SAMD5: variants seen among roughly 807,000 people sequenced by gnomAD.
The protein encoded by SAMD5 is sterile alpha motif domain containing 5.
In SAMD5, 13 loss-of-function variants were observed where a neutral mutation model predicts 11.3. The observed-to-expected ratio is 1.15, with a 90% CI of 0.75 to 1.83. The LOEUF (loss-of-function observed/expected upper bound fraction) is 1.83. Among genes scored for constraint, SAMD5 ranks in the 40% most tolerant of loss-of-function variants. The pLI, the probability that SAMD5 is intolerant of heterozygous loss-of-function variation, is 0.00. For missense variants in SAMD5, 255 were observed against 239.1 expected, an observed-to-expected ratio of 1.07 and a Z score of -0.44; for synonymous variants, 129 against 111.3, an observed-to-expected ratio of 1.16 and a Z score of -1.00.
chr6:147,636,915 A>G (rs1409246612), intron 1 of SAMD5, among the ~76,000 whole-genome samples: 2 of 150,328 alleles, frequency 1.3e-5, no homozygotes, highest in African/African-American at 2.4e-5. Flanking sequence ...GACTTAAGGA[A>G]TTTTTTTTTT....
At position 147,566,332 on chromosome 6, in the gene SAMD5, T is replaced by C. The variant is rs1292784233; in HGVS notation, c.*1876T>C. On this transcript the variant is annotated 3_prime_UTR_variant, in exon 2 of 2. Transcript: ENST00000367474. ...AACTAGGGTCTTTAAAATTCCTAAG[T>C]AGATTCTTTTGAGTGGTAGGGGAGT... is the stretch of plus-strand genomic sequence containing the variant. The C allele has an allele frequency of 1.0e-5, 10 of 979,570 alleles. No individual in the cohort carries two copies. Among genetic ancestry groups the C allele is most frequent in the South Asian group, 4.7e-5 (1 of 21,166 alleles). 60.7% of individuals were successfully genotyped at this position (979,570 alleles called of 1,614,324 possible).
intron 1 of SAMD5, among the ~76,000 whole-genome samples, chr6:147,708,892 G>A (rs2128458358): frequency 6.6e-6 from 1 of 152,330 alleles, no homozygotes; most frequent in Non-Finnish European, 1.5e-5. Context: ...GTCCCAGTCT[G>A]TCTGGTTTTG....
intron 1 of SAMD5, among the ~76,000 whole-genome samples, chr6:147,731,043 C>G (rs1191857803): frequency 1.3e-5 from 2 of 152,152 alleles, no homozygotes; most frequent in African/African-American, 4.8e-5. Flanking sequence ...CTTCTAAGCA[C>G]TTAAGTAACT....
the SAMD5 span, among the ~76,000 whole-genome samples, chr6:147,754,421 C>T: frequency 1.4e-5 from 2 of 142,092 alleles, no homozygotes; most frequent in African/African-American, 2.6e-5. Context: ...AGATTTTTTC[C>T]TATAGAGTTT....
chr6:147,660,897 A>AT (rs1357445762), intron 1 of SAMD5: 1 of 152,254 alleles, frequency 6.6e-6, no homozygotes, highest in Non-Finnish European at 1.5e-5. Flanking sequence ...GAACCGACTA[A>AT]TACAGGTAGG....
At chr6:147,870,634 G>A in the SAMD5 span, among the ~76,000 whole-genome samples, 1 of 151,484 alleles carries the variant, frequency 6.6e-6, no homozygotes, top group South Asian at 2.1e-4. Context: ...ATAAATATTT[G>A]TTAACTTGAA....
At chr6:147,932,906 A>G in the SAMD5 span, among the ~76,000 whole-genome samples, 1 of 152,190 alleles carries the variant, frequency 6.6e-6, no homozygotes, top group Middle Eastern at 3.2e-3. Flanking sequence ...GAAAATCATG[A>G]TGATTATGTA....
chr6:147,647,076 A>G, intron 1 of SAMD5, among the ~76,000 whole-genome samples: 1 of 151,868 alleles, frequency 6.6e-6, no homozygotes, highest in East Asian at 1.9e-4. Flanking sequence ...CTGAGGCAGG[A>G]GAATTGCTTG....
intron 1 of SAMD5, among the ~76,000 whole-genome samples, chr6:147,559,337 G>A (rs1583082605): frequency 6.6e-6 from 1 of 152,292 alleles, no homozygotes; most frequent in Non-Finnish European, 1.5e-5. Flanking sequence ...ATCGGTTAAT[G>A]CCCCAGGATA....
the SAMD5 span, among the ~76,000 whole-genome samples, chr6:147,790,628 T>C: frequency 6.6e-6 from 1 of 152,040 alleles, no homozygotes; most frequent in African/African-American, 2.4e-5. Context: ...TTCCAGAGAT[T>C]TGTGTGTGAG....
the SAMD5 span, among the ~76,000 whole-genome samples, chr6:147,925,516 T>C: frequency 6.6e-6 from 1 of 152,048 alleles, no homozygotes; most frequent in Non-Finnish European, 1.5e-5. Context: ...TCAGGAGTTC[T>C]AGTATCCTGG....
At chr6:147,540,210 T>G (rs1788578063) in intron 1 of SAMD5, among the ~76,000 whole-genome samples, 1 of 152,008 alleles carries the variant, frequency 6.6e-6, no homozygotes, top group Admixed American at 6.6e-5. Context: ...CAAAGTTACA[T>G]AAGTAAAAAA....
intron 1 of SAMD5, among the ~76,000 whole-genome samples, chr6:147,542,379 C>A (rs1206840193): frequency 6.6e-6 from 1 of 152,120 alleles, no homozygotes. Flanking sequence ...CTGGACAGAG[C>A]CGATTCAACA....
intron 1 of SAMD5, among the ~76,000 whole-genome samples, chr6:147,595,256 G>A (rs1789512024): frequency 6.6e-6 from 1 of 152,084 alleles, no homozygotes. Context: ...ACAATAATAA[G>A]CATTGCTTTA....
chr6:147,919,296 C>G, the SAMD5 span, among the ~76,000 whole-genome samples: 2 of 152,162 alleles, frequency 1.3e-5, no homozygotes, highest in African/African-American at 4.8e-5. Context: ...CCACCATGTT[C>G]ATCACAGAAA....
At chr6:147,559,927 G>C (rs1281630978) in intron 1 of SAMD5, among the ~76,000 whole-genome samples, 2 of 152,188 alleles carry the variant, frequency 1.3e-5, no homozygotes, top group Non-Finnish European at 2.9e-5. Flanking sequence ...AAGCCGAAGA[G>C]GAGATGCTTA....
chr6:147,566,076 C>T lies in SAMD5; in HGVS notation c.*1620C>T, dbSNP rs552167166. On this transcript the variant is annotated 3_prime_UTR_variant, in exon 2 of 2. Transcript: ENST00000367474. Reference sequence around the variant, plus strand: ...GGCCATTAAGAAGGATATTAGGTTTCTAAGGACAATTTTAACACAATACTG... The same window carrying T: ...GGCCATTAAGAAGGATATTAGGTTTTTAAGGACAATTTTAACACAATACTG... The T allele has an allele frequency of 6.1e-4, 604 of 983,598 alleles. 1 individual carries two copies. Among genetic ancestry groups the T allele is most frequent in the South Asian group, 1.6e-3 (35 of 21,240 alleles). The allele number at this position is 983,598 out of a possible 1,614,324, so 60.9% of individuals were successfully genotyped here. A position where few individuals can be genotyped will look rare whatever the true frequency, so the allele number is the denominator to read the frequency against.
chr6:147,916,202 G>T, the SAMD5 span, among the ~76,000 whole-genome samples: 9 of 151,762 alleles, frequency 5.9e-5, no homozygotes, highest in Non-Finnish European at 1.2e-4. Flanking sequence ...GAATAGTGCC[G>T]CAATAAACAT....
chr6:147,918,556 G>A, the SAMD5 span, among the ~76,000 whole-genome samples: 3 of 152,016 alleles, frequency 2.0e-5, no homozygotes, highest in South Asian at 2.1e-4. Flanking sequence ...AAGTCAAATC[G>A]TCCCTGTTTG....
Sources: allele counts gnomAD v4.1 joint callset (sites outside exome capture counted in the v4.1 genomes callset), GRCh38; gene constraint gnomAD v4.1.1; transcripts MANE v1.5; gene names NCBI Gene and HGNC (gene_info 2026-07-23, HGNC 2026-07-21).